CGN: variants seen among roughly 807,000 people sequenced by gnomAD.
The protein encoded by CGN is cingulin.
Under a neutral mutation model 157.1 loss-of-function variants are expected in CGN, and 121 were observed. That is an observed-to-expected ratio of 0.77 (90% CI 0.66 to 0.90). The LOEUF (loss-of-function observed/expected upper bound fraction) is 0.90. CGN is among the 40% of genes least tolerant of loss of function. The pLI, the probability that CGN is intolerant of heterozygous loss-of-function variation, is 0.00. For missense variants in CGN, 1,424 were observed against 1,520.9 expected, an observed-to-expected ratio of 0.94 and a Z score of 1.06; for synonymous variants, 535 against 607.5, an observed-to-expected ratio of 0.88 and a Z score of 1.76.
chr1:151,524,465 T>C lies in CGN; in HGVS notation c.1401+107T>C, dbSNP rs1411411681. Reference sequence around the variant, plus strand: ...AAAGTATGAGGAGTGGGTGGCTGATTACAGGTACTCAGTGTGCTTTCAGGT... The same window carrying C: ...AAAGTATGAGGAGTGGGTGGCTGATCACAGGTACTCAGTGTGCTTTCAGGT... On this transcript the variant is annotated intron_variant, in intron 7 of 20. Coordinates refer to ENST00000271636, the MANE Select transcript of CGN (RefSeq NM_020770.3). This position sits in a 1 kb window ranked among gnomAD's most constrained non-coding sequence, Gnocchi z 4.4. 2.0e-6 allele frequency: 3 copies of C among 1,503,174 alleles called. No homozygotes were observed. The highest frequency in any genetic ancestry group is 2.7e-6 in the Non-Finnish European group (3 of 1,102,400). 93.1% of individuals were successfully genotyped at this position (1,503,174 alleles called of 1,614,324 possible).
chr1:151,520,995 A>AT lies in CGN; in HGVS notation c.1140+313dup, dbSNP rs371562183. On this transcript the variant is annotated intron_variant, in intron 5 of 20. Transcript: ENST00000271636. ...AATTACTTACATTCTCTGTGCCTCAATTTTTTTTTATCATTATCATAATAA... is the reference window on the plus strand; with the variant it reads ...AATTACTTACATTCTCTGTGCCTCAATTTTTTTTTTATCATTATCATAATAA... 4.9e-3 allele frequency among the ~76,000 whole-genome samples: 737 copies of AT among 151,688 alleles called. 3 individuals carry two copies. Among genetic ancestry groups the AT allele is most frequent in the African/African-American group, 0.016 (664 of 41,356 alleles).
chr1:151,534,143 G>A lies in CGN; in HGVS notation c.2904+7G>A, dbSNP rs1172659613. 2 of 1,570,008 alleles carry A rather than the reference G, an allele frequency of 1.3e-6. No homozygotes were observed. The highest frequency in any genetic ancestry group is 1.9e-5 in the Admixed American group (1 of 52,698). On this transcript the variant is annotated splice_region_variant and intron_variant, in intron 15 of 20. Transcript: ENST00000271636. Reference sequence around the variant, plus strand: ...GCAGCTGAAGGGTCTCGAGGTGAGGGCACTGAGGTGTGACCTGTGGAAAAA... The same window carrying A: ...GCAGCTGAAGGGTCTCGAGGTGAGGACACTGAGGTGTGACCTGTGGAAAAA...
chr1:151,521,126 T>G (rs1300089571), intron 5 of CGN, among the ~76,000 whole-genome samples: 1 of 152,202 alleles, frequency 6.6e-6, no homozygotes, highest in Non-Finnish European at 1.5e-5. Context: ...TTCTGGACCC[T>G]TTTCTGATGA....
At chr1:151,534,910 A>G (rs2102503642) in intron 15 of CGN, 132 bp from the exon 16 acceptor site, 1 of 670,288 alleles carries the variant, frequency 1.5e-6, no homozygotes, top group East Asian at 2.7e-5. Context: ...GGGTCCAGGC[A>G]AGTACCAAAA....
At chr1:151,525,567 G>A in intron 8 of CGN, 75 bp from the exon 9 acceptor site, 2 of 1,312,678 alleles carry the variant, frequency 1.5e-6, no homozygotes, top group East Asian at 2.7e-5. Flanking sequence ...GCCTTTCCTT[G>A]TACACACTCA....
chr1:151,520,762 G>T lies in CGN; in HGVS notation c.1140+71G>T. On this transcript the variant is annotated intron_variant, in intron 5 of 20. Coordinates refer to ENST00000271636, the MANE Select transcript of CGN (RefSeq NM_020770.3). ...AAAAGCCTTGGCCTGGAGATGGGCT[G>T]AGCTGACCCTTCTAAGCAATGGAAC... 4 of 1,207,618 alleles carry T rather than the reference G, an allele frequency of 3.3e-6. No homozygotes were observed. The South Asian group carries it at 5.2e-5, about 16-fold the overall frequency. 74.8% of individuals were successfully genotyped at this position (1,207,618 alleles called of 1,614,324 possible).
In CGN at chr1:151,536,778, G is replaced by A; in HGVS notation, c.3355G>A (p.Glu1119Lys). Residue 1119 changes from glutamate to lysine, a missense_variant, in exon 20 of 21, where the codon GAG becomes AAG. Glu to Lys is a moderately conservative substitution (Grantham distance 56, BLOSUM62 1). Around this residue, in one of 3 missense-constraint regions of CGN, gnomAD observed 199 missense variants for 272.2 expected, o/e 0.73. Coordinates refer to ENST00000271636, the MANE Select transcript of CGN (RefSeq NM_020770.3). ...ALKRQVDEAE[E>K]EIERLDGLRK... ...GAAGCGTCAGGTGGATGAAGCAGAA[G>A]AGGAAATTGAGCGACTGGACGGCCT... 1.2e-6 allele frequency: 2 copies of A among 1,614,188 alleles called. No individual in the cohort carries two copies. Among genetic ancestry groups the A allele is most frequent in the South Asian group, 1.1e-5 (1 of 91,086 alleles).
intron 13 of CGN, among the ~76,000 whole-genome samples, chr1:151,531,580 A>G (rs1031609183): frequency 2.0e-5 from 3 of 152,058 alleles, no homozygotes; most frequent in Middle Eastern, 3.2e-3. Context: ...GCTTGAGCCC[A>G]GGAGGTTGAG....
rs918605875 is a variant in CGN, at chr1:151,526,031, C to T, written c.1763+241C>T. The stretch of plus-strand genomic sequence containing the variant: ...GGGATTACAGGCGCATGCCACTACG[C>T]CCAGCTAATTTTTGTATTTTTAGTA... On this transcript the variant is annotated intron_variant, in intron 9 of 20. Coordinates refer to ENST00000271636, the MANE Select transcript of CGN (RefSeq NM_020770.3). Among the ~76,000 whole-genome samples the T allele has an allele frequency of 1.3e-4, 19 of 151,782 alleles. 1 individual carries two copies. The highest frequency in any genetic ancestry group is 2.5e-4 in the Non-Finnish European group (17 of 68,002).
intron 12 of CGN, 142 bp from the exon 13 acceptor site, chr1:151,530,347 C>A: frequency 1.8e-6 from 2 of 1,112,608 alleles, no homozygotes; most frequent in East Asian, 2.4e-5. Flanking sequence ...TCTATGTGTC[C>A]TGATTTCTTT....
intron 1 of CGN, among the ~76,000 whole-genome samples, chr1:151,514,288 G>A (rs1413196908): frequency 1.3e-5 from 2 of 152,174 alleles, no homozygotes; most frequent in Non-Finnish European, 2.9e-5. Context: ...GCCCTCTGCT[G>A]GGCCTAGGCT....
rs1557995821 is a variant in CGN at position 151,538,509 on chromosome 1, A to G, written c.*1163A>G. On this transcript the variant is annotated 3_prime_UTR_variant, in exon 21 of 21. Coordinates refer to ENST00000271636, the MANE Select transcript of CGN (RefSeq NM_020770.3). ...GAGGTAAGGGGGATGATTCACCTCCATATTTCCTAAGCAGGTTGTATAGGG... is the reference window on the plus strand; with the variant it reads ...GAGGTAAGGGGGATGATTCACCTCCGTATTTCCTAAGCAGGTTGTATAGGG... The G allele has an allele frequency of 2.0e-5, 3 of 152,312 alleles. No individual in the cohort carries two copies. The East Asian group carries it at 5.8e-4, about 29-fold the overall frequency. 9.4% of individuals were successfully genotyped at this position (152,312 alleles called of 1,614,324 possible). A position where few individuals can be genotyped will look rare whatever the true frequency, so the allele number is the denominator to read the frequency against.
chr1:151,524,990 C>A lies in CGN; in HGVS notation c.1614+104C>A. On this transcript the variant is annotated intron_variant, in intron 8 of 20. Coordinates refer to ENST00000271636, the MANE Select transcript of CGN (RefSeq NM_020770.3). This position sits in a 1 kb window ranked among gnomAD's most constrained non-coding sequence, Gnocchi z 4.4. ...CTTTTCATGGTTGCAACTGGGAACT[C>A]CCCCTCTCCTCCTAAAGGACACAGT... is the stretch of plus-strand genomic sequence containing the variant. 1 of 879,472 alleles carries A rather than the reference C, an allele frequency of 1.1e-6. No individual in the cohort carries two copies. The allele number at this position is 879,472 out of a possible 1,614,324, so 54.5% of individuals were successfully genotyped here. A position where few individuals can be genotyped will look rare whatever the true frequency, so the allele number is the denominator to read the frequency against.
At chr1:151,523,830 CT>C (rs1398969610) in intron 6 of CGN, among the ~76,000 whole-genome samples, 1 of 152,164 alleles carries the variant, frequency 6.6e-6, no homozygotes, top group Non-Finnish European at 1.5e-5. Flanking sequence ...TAGTACCTAC[CT>C]CACAGGATCA....
At chr1:151,525,566 T>C in intron 8 of CGN, 76 bp from the exon 9 acceptor site, 1 of 1,306,918 alleles carries the variant, frequency 7.7e-7, no homozygotes, top group Non-Finnish European at 1.0e-6. Flanking sequence ...AGCCTTTCCT[T>C]GTACACACTC....
upstream of CGN, chr1:151,510,611 T>A (rs1404814784): frequency 1.3e-5 from 2 of 152,182 alleles, no homozygotes; most frequent in Non-Finnish European, 2.9e-5. Flanking sequence ...TTGGTAAATT[T>A]GCGTCCCCGG....
At chr1:151,516,542 CTTT>C (rs11335459) in intron 1 of CGN, among the ~76,000 whole-genome samples, 22 of 127,556 alleles carry the variant, frequency 1.7e-4, no homozygotes, top group Admixed American at 3.1e-4. Context: ...TAAAGTGGCA[CTTT>C]TTTTTTTTTT....
At position 151,519,318 on chromosome 1, in the gene CGN, C is replaced by T. The variant is rs575514202; in HGVS notation, c.799C>T (p.Arg267Cys). The T allele has an allele frequency of 1.1e-4, 181 of 1,612,070 alleles. 1 individual carries two copies. In the South Asian group the frequency reaches 1.6e-3, roughly 14 times the overall value. The change falls in exon 2 of 21, where the codon CGT becomes TGT. Residue 267 changes from arginine to cysteine, a missense_variant. Coordinates refer to ENST00000271636, the MANE Select transcript of CGN (RefSeq NM_020770.3). ...LSPLSGFSRS[R>C]QTQDWVLQSF... is the part of the protein sequence containing the mutation. The stretch of plus-strand genomic sequence containing the variant: ...TCCTCTCAGTGGCTTTAGCCGTTCT[C>T]GTCAGACTCAGGACTGGGTCCTTCA...
chr1:151,532,666 C>A, intron 14 of CGN, 94 bp downstream of exon 14: 1 of 1,067,808 alleles, frequency 9.4e-7, no homozygotes, highest in Non-Finnish European at 1.2e-6. Context: ...GTCGCCCAGG[C>A]TGGAGTTCAG....
Sources: allele counts gnomAD v4.1 joint callset (sites outside exome capture counted in the v4.1 genomes callset), GRCh38; gene constraint gnomAD v4.1.1; regional missense constraint gnomAD v4.1.1; non-coding constraint Gnocchi (gnomAD v3.1); transcripts MANE v1.5; gene names NCBI Gene and HGNC (gene_info 2026-07-23, HGNC 2026-07-21).